FAAH2: variants seen among roughly 807,000 people sequenced by gnomAD.
FAAH2 encodes the protein fatty acid amide hydrolase 2.
A neutral mutation model predicts 36.9 loss-of-function variants in FAAH2; 60 were observed. The ratio of observed to expected loss-of-function variants is 1.63; its 90% CI spans 1.32 to 2.02. The LOEUF (loss-of-function observed/expected upper bound fraction) is 2.02. FAAH2 is among the 30% of genes most tolerant of loss of function. The probability of loss-of-function intolerance (pLI) is 0.00; values close to 1 mark genes in which losing one functional copy is unlikely to be tolerated. For missense variants in FAAH2, 689 were observed against 397.5 expected (o/e 1.73, Z -6.23); for synonymous variants, 214 against 143.8 (o/e 1.49, Z -3.49).
chrX:57,266,509 C>T, the FAAH2 span, among the ~76,000 whole-genome samples: 1 of 112,729 alleles, frequency 8.9e-6, no homozygotes, highest in Non-Finnish European at 1.9e-5. Context: ...CAACTGAAAG[C>T]CTCTCTGCCA....
chrX:57,385,117 C>A (rs1474149204), intron 7 of FAAH2, among the ~76,000 whole-genome samples: 1 of 109,521 alleles, frequency 9.1e-6, no homozygotes, highest in African/African-American at 3.3e-5. Flanking sequence ...ACATCACACA[C>A]CAGGGCCTGT....
chrX:57,431,444 A>G (rs1365021335), intron 7 of FAAH2, among the ~76,000 whole-genome samples: 3 of 111,942 alleles, frequency 2.7e-5, no homozygotes, highest in Non-Finnish European at 3.8e-5. Flanking sequence ...TTTCCAGCCT[A>G]CAGTCTAAAC....
chrX:57,152,202 G>A, the FAAH2 span, among the ~76,000 whole-genome samples: 2 of 112,309 alleles, frequency 1.8e-5, no homozygotes, highest in Non-Finnish European at 3.8e-5. Flanking sequence ...TCCCAGTTAG[G>A]CTGCTCGGGG....
the FAAH2 span, among the ~76,000 whole-genome samples, chrX:57,270,610 T>TCTGCATTTC: frequency 4.5e-5 from 5 of 111,861 alleles, no homozygotes; most frequent in African/African-American, 1.6e-4. Context: ...GTGGGTGATT[T>TCTGCATTTC]CTGCATTTCC....
chrX:57,198,520 G>A, the FAAH2 span, among the ~76,000 whole-genome samples: 3 of 112,447 alleles, frequency 2.7e-5, no homozygotes, highest in Admixed American at 1.9e-4. Context: ...AGCATGCATG[G>A]CTGTCAGGCC....
At chrX:57,331,306 C>T (rs1195801577) in intron 3 of FAAH2, among the ~76,000 whole-genome samples, 1 of 111,397 alleles carries the variant, frequency 9.0e-6, no homozygotes, top group Non-Finnish European at 1.9e-5. Context: ...CTGTTCAACT[C>T]ACCTTTTCCC....
intron 7 of FAAH2, among the ~76,000 whole-genome samples, chrX:57,430,053 G>T: frequency 9.0e-6 from 1 of 111,394 alleles, no homozygotes; most frequent in Non-Finnish European, 1.9e-5. Flanking sequence ...ATCAGAGGGG[G>T]TGAAGGATGA....
At chrX:57,315,901 C>A (rs951364230) in intron 3 of FAAH2, among the ~76,000 whole-genome samples, 1 of 110,850 alleles carries the variant, frequency 9.0e-6, no homozygotes, top group Non-Finnish European at 1.9e-5. Flanking sequence ...TACTGGAAAT[C>A]CTAGCCAGAG....
chrX:57,318,574 CCAAATTCTACCAGAGGTA>C (rs2052915792), intron 3 of FAAH2, among the ~76,000 whole-genome samples: 1 of 111,660 alleles, frequency 9.0e-6, no homozygotes, highest in African/African-American at 3.3e-5. Context: ...GGATTCACAG[CCAAATTCTACCAGAGGTA>C]CAAAGAGGAG....
intron 7 of FAAH2, among the ~76,000 whole-genome samples, chrX:57,422,159 C>A (rs1602610430): frequency 8.9e-6 from 1 of 112,131 alleles, no homozygotes; most frequent in Middle Eastern, 4.6e-3. Flanking sequence ...AGTGAACCCA[C>A]ATTTGGCACA....
chrX:57,266,047 G>C, the FAAH2 span, among the ~76,000 whole-genome samples: 1 of 111,703 alleles, frequency 9.0e-6, no homozygotes, highest in African/African-American at 3.3e-5. Flanking sequence ...TCAAGCTTCA[G>C]AGTGTTTGAG....
chrX:57,201,053 G>GTTTT, the FAAH2 span, among the ~76,000 whole-genome samples: 2 of 96,538 alleles, frequency 2.1e-5, no homozygotes, highest in African/African-American at 3.9e-5. Flanking sequence ...TAGGGTAAAA[G>GTTTT]TTTTTTTTTT....
At chrX:57,427,571 T>G (rs1569337813) in intron 7 of FAAH2, among the ~76,000 whole-genome samples, 1 of 111,662 alleles carries the variant, frequency 9.0e-6, no homozygotes. Flanking sequence ...TCAAGTTGGT[T>G]TTAACCCAGA....
At chrX:57,431,185 T>C (rs1229317299) in intron 7 of FAAH2, among the ~76,000 whole-genome samples, 1 of 111,889 alleles carries the variant, frequency 8.9e-6, no homozygotes, top group Non-Finnish European at 1.9e-5. Context: ...ATTCCCTGGA[T>C]TTATGTCTAT....
At chrX:57,368,602 G>A (rs768821559) in intron 5 of FAAH2, among the ~76,000 whole-genome samples, 2 of 111,887 alleles carry the variant, frequency 1.8e-5, no homozygotes, top group South Asian at 3.8e-4. Context: ...TGCTCACAAA[G>A]GCATTGCTGG....
chrX:57,245,476 A>AAAGT, the FAAH2 span, among the ~76,000 whole-genome samples: 1 of 111,798 alleles, frequency 8.9e-6, no homozygotes, highest in Non-Finnish European at 1.9e-5. Flanking sequence ...CAAATAATTG[A>AAAGT]AAGTAAAACA....
chrX:57,202,224 AAAGTT>A, the FAAH2 span, among the ~76,000 whole-genome samples: 1 of 111,868 alleles, frequency 8.9e-6, no homozygotes, highest in African/African-American at 3.3e-5. Flanking sequence ...TGAGCATTGA[AAAGTT>A]AAGTATTTGT....
chrX:57,187,532 C>G, the FAAH2 span, among the ~76,000 whole-genome samples: 1 of 111,347 alleles, frequency 9.0e-6, no homozygotes, highest in Non-Finnish European at 1.9e-5. Context: ...TTTACTTCCT[C>G]TCTTTCTATT....
At chrX:57,168,905 A>G in the FAAH2 span, among the ~76,000 whole-genome samples, 7 of 112,335 alleles carry the variant, frequency 6.2e-5, no homozygotes, top group African/African-American at 1.6e-4. Context: ...ATCCATCCAT[A>G]TTAGTCTTCT....
Sources: allele counts gnomAD v4.1 joint callset (sites outside exome capture counted in the v4.1 genomes callset), GRCh38; gene constraint gnomAD v4.1.1; transcripts MANE v1.5; gene names NCBI Gene and HGNC (gene_info 2026-07-23, HGNC 2026-07-21).